The following CWF19L2 variants were observed in gnomAD, a reference collection of about 807,000 sequenced individuals.
The protein encoded by CWF19L2 is CWF19-like protein 2.
In CWF19L2, 98 loss-of-function variants were observed where a neutral mutation model predicts 111.7. The observed-to-expected ratio is 0.88, with a 90% CI of 0.75 to 1.04. The LOEUF is 1.04. CWF19L2 is among the 50% of genes least tolerant of loss of function. CWF19L2 has a pLI of 0.00. For missense variants in CWF19L2, 1,101 were observed against 1,051.4 expected, an observed-to-expected ratio of 1.05 and a Z score of -0.65; for synonymous variants, 351 against 342.9, an observed-to-expected ratio of 1.02 and a Z score of -0.26.
intron 8 of CWF19L2, among the ~76,000 whole-genome samples, chr11:107,419,159 C>T (rs1380313555): frequency 1.3e-5 from 2 of 152,204 alleles, no homozygotes; most frequent in Admixed American, 1.3e-4. Context: ...CTGGGAACTG[C>T]TTATCCAGTC....
chr11:107,347,050 G>A (rs1860090742), intron 14 of CWF19L2, among the ~76,000 whole-genome samples: 2 of 152,090 alleles, frequency 1.3e-5, no homozygotes, highest in Admixed American at 6.5e-5. Context: ...TGGGCTTACA[G>A]TGTTTGCCTA....
chr11:107,363,020 A>G (rs2134560950), intron 12 of CWF19L2, among the ~76,000 whole-genome samples: 1 of 152,312 alleles, frequency 6.6e-6, no homozygotes, highest in South Asian at 2.1e-4. Context: ...GAACTACGTG[A>G]AGAATGCAGA....
chr11:107,437,274 T>C (rs898126134), intron 6 of CWF19L2, among the ~76,000 whole-genome samples: 4 of 152,156 alleles, frequency 2.6e-5, no homozygotes, highest in Admixed American at 6.5e-5. Flanking sequence ...TATGAATAAA[T>C]TGGGCTCTGA....
intron 5 of CWF19L2, among the ~76,000 whole-genome samples, chr11:107,439,902 C>T (rs1195565503): frequency 6.6e-6 from 1 of 152,048 alleles, no homozygotes; most frequent in African/African-American, 2.4e-5. Flanking sequence ...GCAAACTGGG[C>T]TCAGCATGGA....
chr11:107,339,791 C>T (rs996109705), intron 14 of CWF19L2, among the ~76,000 whole-genome samples: 6 of 151,664 alleles, frequency 4.0e-5, no homozygotes, highest in Non-Finnish European at 7.4e-5. Context: ...TTGGCCCCCC[C>T]ACAACAGCTG....
intron 12 of CWF19L2, among the ~76,000 whole-genome samples, chr11:107,354,156 T>C (rs1860201483): frequency 6.6e-6 from 1 of 151,910 alleles, no homozygotes; most frequent in Non-Finnish European, 1.5e-5. Context: ...TCTCCCAACA[T>C]GAACTATGGA....
intron 14 of CWF19L2, chr11:107,345,331 C>A: frequency 6.3e-6 from 2 of 316,228 alleles, no homozygotes; most frequent in South Asian, 2.9e-5. Context: ...TATTTGTAAC[C>A]CAAACTTTTT....
chr11:107,433,531 G>A, intron 7 of CWF19L2, 103 bp downstream of exon 7: 1 of 392,570 alleles, frequency 2.5e-6, no homozygotes. Context: ...ATAAAGACAT[G>A]AAATATTAAT....
At position 107,442,882 on chromosome 11, in the gene CWF19L2, G is replaced by GAGGGAGGA. The variant is rs1555029242; in HGVS notation, c.450+56_450+57insTCCTCCCT. On this transcript the variant is annotated intron_variant, in intron 4 of 17. Transcript: ENST00000282251. ...ATAGAGAGGGAAGGAGGGAGGGAGGGAGGAAGGAAGGAAGGAAGGAAGAAA... is the reference window on the plus strand; with the variant it reads ...ATAGAGAGGGAAGGAGGGAGGGAGGGAGGGAGGAAGGAAGGAAGGAAGGAAGGAAGAAA... 147 of 707,288 alleles carry GAGGGAGGA rather than the reference G, an allele frequency of 2.1e-4. 2 individuals are homozygous for GAGGGAGGA. The highest frequency in any genetic ancestry group is 9.6e-4 in the South Asian group (55 of 57,240). 43.8% of individuals were successfully genotyped at this position (707,288 alleles called of 1,614,324 possible). A position where few individuals can be genotyped will look rare whatever the true frequency, so the allele number is the denominator to read the frequency against.
intron 14 of CWF19L2, among the ~76,000 whole-genome samples, chr11:107,337,579 T>C (rs1859946671): frequency 6.6e-6 from 1 of 152,120 alleles, no homozygotes; most frequent in Non-Finnish European, 1.5e-5. Flanking sequence ...AGAGCCCAGC[T>C]CCGTCCACAT....
chr11:107,330,095 T>C, intron 16 of CWF19L2, 76 bp from the exon 17 acceptor site: 2 of 778,390 alleles, frequency 2.6e-6, no homozygotes. Context: ...CCCTCTTCTC[T>C]GGAAGGACAG....
chr11:107,441,366 T>C (rs757824274), intron 5 of CWF19L2, 137 bp downstream of exon 5: 3 of 665,546 alleles, frequency 4.5e-6, no homozygotes, highest in Non-Finnish European at 6.7e-6. Context: ...ATGTATTTCA[T>C]AGTTGTTCTC....
intron 17 of CWF19L2, among the ~76,000 whole-genome samples, chr11:107,328,253 A>G (rs1037153295): frequency 6.6e-6 from 1 of 152,162 alleles, no homozygotes; most frequent in African/African-American, 2.4e-5. Flanking sequence ...GAGATAGTAG[A>G]AAAGAGAAAT....
At chr11:107,399,629 A>G (rs1490639041) in intron 10 of CWF19L2, among the ~76,000 whole-genome samples, 1 of 152,240 alleles carries the variant, frequency 6.6e-6, no homozygotes, top group Admixed American at 6.5e-5. Flanking sequence ...GGGGACTTCA[A>G]TACTCCACTG....
chr11:107,404,573 G>A (rs1861052080), intron 10 of CWF19L2: 1 of 635,604 alleles, frequency 1.6e-6, no homozygotes, highest in East Asian at 3.0e-5. Context: ...TGGGGCATAA[G>A]ATGGTCTTTC....
rs1340488249 is a variant in CWF19L2, at chr11:107,418,263, G to A, written c.1458C>T (p.His486=). 7 of 1,612,466 alleles carry A rather than the reference G, an allele frequency of 4.3e-6. No homozygotes were observed. In the African/African-American group the frequency reaches 6.7e-5, roughly 15 times the overall value. ...FAGSPERESI[H]ILSVDEKNKL... is the part of the protein sequence containing the mutation. ...TGTTCTTCTCATCAACACTCAGGAT[G>A]TGAATGGACTCACGCTCTGGACTGC... The change falls in exon 9 of 18, where the codon CAC becomes CAT. Residue 486 remains histidine (H), a synonymous_variant. Coordinates refer to ENST00000282251, the MANE Select transcript of CWF19L2 (RefSeq NM_152434.3).
intron 12 of CWF19L2, among the ~76,000 whole-genome samples, chr11:107,388,253 C>G (rs1860799062): frequency 6.6e-6 from 1 of 152,196 alleles, no homozygotes; most frequent in Non-Finnish European, 1.5e-5. Flanking sequence ...TGTTCACTTT[C>G]TCATCCACTA....
chr11:107,363,230 C>A (rs1860384740), intron 12 of CWF19L2, among the ~76,000 whole-genome samples: 1 of 152,058 alleles, frequency 6.6e-6, no homozygotes, highest in Non-Finnish European at 1.5e-5. Context: ...GAGAATGGAA[C>A]CAAGTTGGAA....
intron 12 of CWF19L2, among the ~76,000 whole-genome samples, chr11:107,362,335 G>A (rs1483675479): frequency 2.6e-5 from 4 of 151,826 alleles, no homozygotes; most frequent in Non-Finnish European, 5.9e-5. Flanking sequence ...GCTCAAGGAG[G>A]ACTGCCTGCC....
Sources: allele counts gnomAD v4.1 joint callset (sites outside exome capture counted in the v4.1 genomes callset), GRCh38; gene constraint gnomAD v4.1.1; transcripts MANE v1.5; gene names NCBI Gene and HGNC (gene_info 2026-07-23, HGNC 2026-07-21).